Variants in RNF168 observed in about 807,000 individuals in gnomAD.
RNF168 encodes the protein E3 ubiquitin-protein ligase RNF168.
Under a neutral mutation model 34.9 loss-of-function variants are expected in RNF168, and 34 were observed. The ratio of observed to expected loss-of-function variants is 0.97; its 90% CI spans 0.74 to 1.30. RNF168 has a LOEUF of 1.30. Ranked by LOEUF, RNF168 falls within the 50% of genes most tolerant of loss-of-function variation. RNF168 has a pLI of 0.00. For synonymous variants in RNF168, 264 were observed against 254.7 expected (o/e 1.04, Z -0.35); for missense variants, 725 against 682.5 (o/e 1.06, Z -0.69).
intron 3 of RNF168, among the ~76,000 whole-genome samples, chr3:196,486,684 G>C (rs1278313406): frequency 6.6e-6 from 1 of 152,240 alleles, no homozygotes; most frequent in African/African-American, 2.4e-5. Context: ...TGGGGATAGA[G>C]ACTGATATAA....
rs1228884205 is a variant in RNF168 at position 196,496,908 on chromosome 3, G to A, written c.301+5965C>T. ...GCCTGTAATCCCAGCACTTTGGAAG[G>A]TCGAGGCAGGAGTATCATCTGAGGT... is the stretch of plus-strand genomic sequence containing the variant. On this transcript the variant is annotated intron_variant, in intron 1 of 5. Coordinates refer to ENST00000318037, the MANE Select transcript of RNF168 (RefSeq NM_152617.4). 2.0e-5 allele frequency among the ~76,000 whole-genome samples: 3 copies of A among 152,310 alleles called. No individual in the cohort carries two copies. In the East Asian group the frequency reaches 5.8e-4, roughly 29 times the overall value.
intron 1 of RNF168, among the ~76,000 whole-genome samples, chr3:196,495,176 C>CATGT (rs71621258): frequency 2.7e-5 from 4 of 150,036 alleles, no homozygotes; most frequent in African/African-American, 1.0e-4. Context: ...CATTGCCTTT[C>CATGT]GTGTGTGTGT....
chr3:196,492,912 C>T (rs1013729918), intron 1 of RNF168, among the ~76,000 whole-genome samples: 1 of 152,072 alleles, frequency 6.6e-6, no homozygotes, highest in African/African-American at 2.4e-5. Flanking sequence ...TATTAAGTGG[C>T]AATCAAGGGC....
Position 196,492,777 on chromosome 3 carries a change from C to CAAATAAATAAAT in RNF168, c.302-4106_302-4095dup, listed in dbSNP as rs553940481. Reference sequence around the variant, plus strand: ...TGGGTGACAGAGAGAGACTCCATCTCAAATAAATAAATAAATAAATAAATA... The same window carrying CAAATAAATAAAT: ...TGGGTGACAGAGAGAGACTCCATCTCAAATAAATAAATAAATAAATAAATAAATAAATAAATA... On this transcript the variant is annotated intron_variant, in intron 1 of 5. Coordinates refer to ENST00000318037, the MANE Select transcript of RNF168 (RefSeq NM_152617.4). Among the ~76,000 whole-genome samples the CAAATAAATAAAT allele has an allele frequency of 3.4e-3, 513 of 151,384 alleles. 3 individuals are homozygous for CAAATAAATAAAT. Among genetic ancestry groups the CAAATAAATAAAT allele is most frequent in the African/African-American group, 0.012 (496 of 41,088 alleles).
At chr3:196,497,610 C>T (rs1732775959) in intron 1 of RNF168, among the ~76,000 whole-genome samples, 1 of 151,120 alleles carries the variant, frequency 6.6e-6, no homozygotes, top group African/African-American at 2.4e-5. Context: ...GTGGAGGTTG[C>T]AGTGAGCCAT....
chr3:196,490,540 C>T (rs1365337302), intron 1 of RNF168, among the ~76,000 whole-genome samples: 1 of 151,936 alleles, frequency 6.6e-6, no homozygotes, highest in Non-Finnish European at 1.5e-5. Context: ...GCCCTGACTT[C>T]GCCACTGTGC....
chr3:196,475,408 G>T, intron 4 of RNF168, 96 bp from the exon 5 acceptor site: 1 of 758,804 alleles, frequency 1.3e-6, no homozygotes. Context: ...TGTCTGGTTT[G>T]CTGCTTGGCT....
chr3:196,474,990 G>T lies in RNF168; in HGVS notation c.762+241C>A. 1 of 478,488 alleles carries T rather than the reference G, an allele frequency of 2.1e-6. No individual in the cohort carries two copies. Among genetic ancestry groups the T allele is most frequent in the South Asian group, 2.2e-5 (1 of 46,482 alleles). The allele number at this position is 478,488 out of a possible 1,614,324, so 29.6% of individuals were successfully genotyped here. The stretch of plus-strand genomic sequence containing the variant: ...AGCTGTGACACAGATCACACTAACT[G>T]CAAAGGCGAAAATATTCACTCTCTT... On this transcript the variant is annotated intron_variant, in intron 5 of 5. Transcript: ENST00000318037.
chr3:196,473,179 C>G (rs930848156), intron 5 of RNF168, among the ~76,000 whole-genome samples: 3 of 152,148 alleles, frequency 2.0e-5, no homozygotes, highest in Non-Finnish European at 2.9e-5. Context: ...AGGACCTGAC[C>G]TTCTTTCACC....
At chr3:196,475,053 A>G (rs1732109819) in intron 5 of RNF168, 178 bp downstream of exon 5, 6 of 580,766 alleles carry the variant, frequency 1.0e-5, no homozygotes, top group Non-Finnish European at 1.8e-5. Context: ...GTTTATTTAA[A>G]AAATTGTAGT....
chr3:196,483,345 C>A (rs1232218293), intron 4 of RNF168, among the ~76,000 whole-genome samples: 2 of 152,196 alleles, frequency 1.3e-5, no homozygotes, highest in African/African-American at 2.4e-5. Context: ...TGGCACCTGA[C>A]CCTGGAGGGG....
intron 4 of RNF168, among the ~76,000 whole-genome samples, chr3:196,481,381 G>A (rs1732282332): frequency 6.6e-6 from 1 of 151,960 alleles, no homozygotes. Flanking sequence ...AGGTTGCAGT[G>A]GGCCATGATC....
Position 196,487,588 on chromosome 3 carries a change from GAT to G in RNF168, c.379-12_379-11del. The G allele has an allele frequency of 1.2e-6, 2 of 1,613,180 alleles. No homozygotes were observed. The highest frequency in any genetic ancestry group is 1.7e-6 in the Non-Finnish European group (2 of 1,179,206). ...GTCGCTCTGCCGCCACCTTAAAAGT[GAT>G]TAATAAAGAGCAATCCTTCTCTGAA... On this transcript the variant is annotated splice_polypyrimidine_tract_variant and intron_variant, in intron 2 of 5. Transcript: ENST00000318037.
chr3:196,484,171 C>CTTTTTTTT (rs71699491), intron 3 of RNF168, among the ~76,000 whole-genome samples: 1,440 of 119,398 alleles, frequency 0.012, 105 homozygotes, highest in African/African-American at 0.045. Context: ...TCTTTCTTTC[C>CTTTTTTTT]TTTTTTTTTT....
At chr3:196,487,834 T>C (rs147508379) in intron 2 of RNF168, among the ~76,000 whole-genome samples, 94 of 152,236 alleles carry the variant, frequency 6.2e-4, no homozygotes, top group Non-Finnish European at 1.2e-3. Flanking sequence ...TACACAAAAT[T>C]TTGAAGACTA....
At chr3:196,481,641 T>C (rs1732291719) in intron 4 of RNF168, among the ~76,000 whole-genome samples, 1 of 150,798 alleles carries the variant, frequency 6.6e-6, no homozygotes, top group Non-Finnish European at 1.5e-5. Flanking sequence ...AAACCAGCAA[T>C]GTATTCCTGG....
chr3:196,481,961 G>GGTTTTTTTTTTTTTTTTTTTTTTTTT (rs1421439724), intron 4 of RNF168, among the ~76,000 whole-genome samples: 1 of 132,828 alleles, frequency 7.5e-6, no homozygotes, highest in African/African-American at 2.9e-5. Flanking sequence ...ACTGTCCCTG[G>GGTTTTTTTTTTTTTTTTTTTTTTTTT]CTTTTTTTTT....
chr3:196,503,336 A>T lies in RNF168; in HGVS notation c.-163T>A. 1.4e-6 allele frequency: 1 copy of T among 691,958 alleles called. No individual in the cohort carries two copies. Among genetic ancestry groups the T allele is most frequent in the Non-Finnish European group, 2.5e-6 (1 of 392,676 alleles). 42.9% of individuals were successfully genotyped at this position (691,958 alleles called of 1,614,324 possible). A position where few individuals can be genotyped will look rare whatever the true frequency, so the allele number is the denominator to read the frequency against. ...GGAGCATCCAACACGTCTTGAAGCA[A>T]AAAGGCGCTCTCAGGGTCAGGCAAA... is the stretch of plus-strand genomic sequence containing the variant. On this transcript the variant is annotated 5_prime_UTR_variant, in exon 1 of 6. It adds an upstream start codon to the 5' untranslated region. Coordinates refer to ENST00000318037, the MANE Select transcript of RNF168 (RefSeq NM_152617.4).
rs557823455 is a variant in RNF168, at chr3:196,490,607, G to GA, written c.302-1925dup. 9.5e-4 allele frequency among the ~76,000 whole-genome samples: 133 copies of GA among 140,044 alleles called. 1 individual carries two copies. The South Asian group carries it at 0.022, about 23-fold the overall frequency. 91.9% of individuals were successfully genotyped at this position (140,044 alleles called of 152,430 possible). ...CCCCATAAATTTATCCAAGTAAAAA[G>GA]AAAAAAAAAAAGAAAATCCAGCAAT... On this transcript the variant is annotated intron_variant, in intron 1 of 5. Transcript: ENST00000318037.
Sources: gnomAD v4.1 joint callset for allele counts (sites outside exome capture counted in the v4.1 genomes callset) on GRCh38, gnomAD v4.1.1 for gene constraint, MANE v1.5 for transcripts, NCBI Gene and HGNC (gene_info 2026-07-23, HGNC 2026-07-21) for gene names.